Variants in SAMD4A observed in about 807,000 individuals in gnomAD.
SAMD4A encodes the protein sterile alpha motif domain containing 4A.
In SAMD4A, 33 loss-of-function variants were observed where a neutral mutation model predicts 81.3. The observed-to-expected ratio is 0.41, with a 90% CI of 0.31 to 0.54. The LOEUF is 0.54. SAMD4A is among the 20% of genes least tolerant of loss of function. The probability of loss-of-function intolerance (pLI) is 0.37; values close to 1 mark genes in which losing one functional copy is unlikely to be tolerated. For missense variants in SAMD4A, 854 were observed against 951.1 expected (o/e 0.90, Z 1.34); for synonymous variants, 389 against 382.1 (o/e 1.02, Z -0.21).
intron 2 of SAMD4A, among the ~76,000 whole-genome samples, chr14:54,653,424 C>T (rs998043150): frequency 8.6e-5 from 13 of 151,194 alleles, no homozygotes; most frequent in Non-Finnish European, 1.6e-4. Context: ...ACTGCAACCT[C>T]CATCTCCCGG....
rs1555343098 is a variant in SAMD4A, at chr14:54,685,283, C to CCG, written c.197-16778_197-16777insGC. ...ACTCCCCATTCTTCCTGCCCCCCCC[C>CCG]CCAGCTCCTGGCAGCCACCATTCTG... On this transcript the variant is annotated intron_variant, in intron 2 of 12. Transcript: ENST00000554335. Among the ~76,000 whole-genome samples, 8 of 151,142 alleles carry CCG rather than the reference C, an allele frequency of 5.3e-5. 1 individual carries two copies. In the South Asian group the frequency reaches 8.4e-4, roughly 16 times the overall value.
intron 2 of SAMD4A, among the ~76,000 whole-genome samples, chr14:54,670,390 C>T (rs763684915): frequency 2.0e-5 from 3 of 152,176 alleles, no homozygotes; most frequent in Non-Finnish European, 4.4e-5. Context: ...TGAATGGGCC[C>T]AGGTGACTTG....
chr14:54,770,595 T>C (rs1464970303), intron 9 of SAMD4A, among the ~76,000 whole-genome samples: 4 of 151,608 alleles, frequency 2.6e-5, no homozygotes, highest in African/African-American at 9.7e-5. Flanking sequence ...AATCAGCACC[T>C]TAAGTGGTAG....
Position 54,567,649 on chromosome 14 carries a change from A to T in SAMD4A, c.-268A>T, listed in dbSNP as rs1050307575. On this transcript the variant is annotated 5_prime_UTR_variant, in exon 2 of 13. Coordinates refer to ENST00000554335, the MANE Select transcript of SAMD4A (RefSeq NM_015589.6). ...GTTGTGTGCCTTGTGGGGGATTTTT[A>T]AAAAGTCGTTTTTTTTTTTAAAGAA... The T allele has an allele frequency of 6.6e-5, 31 of 469,092 alleles. No individual in the cohort carries two copies. Among genetic ancestry groups the T allele is most frequent in the African/African-American group, 9.6e-5 (4 of 41,822 alleles). The allele number at this position is 469,092 out of a possible 1,614,324, so 29.1% of individuals were successfully genotyped here. A position where few individuals can be genotyped will look rare whatever the true frequency, so the allele number is the denominator to read the frequency against.
intron 2 of SAMD4A, among the ~76,000 whole-genome samples, chr14:54,676,238 C>T (rs140090181): frequency 1.6e-3 from 244 of 152,208 alleles, no homozygotes; most frequent in African/African-American, 5.5e-3. Context: ...GTGCCTTTGG[C>T]GTATTCAGAT....
At chr14:54,569,538 C>A (rs1318964016) in intron 2 of SAMD4A, among the ~76,000 whole-genome samples, 1 of 152,186 alleles carries the variant, frequency 6.6e-6, no homozygotes, top group African/African-American at 2.4e-5. Context: ...GATGACAGGG[C>A]CCCCTTTGGT....
Position 54,790,035 on chromosome 14 carries a change from T to C in SAMD4A, c.*1091T>C, listed in dbSNP as rs1416931321. 2 of 152,138 alleles carry C rather than the reference T, an allele frequency of 1.3e-5. No individual in the cohort carries two copies. Among genetic ancestry groups the C allele is most frequent in the Admixed American group, 6.5e-5 (1 of 15,284 alleles). The allele number at this position is 152,138 out of a possible 1,614,324, so 9.4% of individuals were successfully genotyped here. A position where few individuals can be genotyped will look rare whatever the true frequency, so the allele number is the denominator to read the frequency against. On this transcript the variant is annotated 3_prime_UTR_variant, in exon 13 of 13. Coordinates refer to ENST00000554335, the MANE Select transcript of SAMD4A (RefSeq NM_015589.6). ...CAGCCTTGCTCCACACACACACAGG[T>C]GGGTACAAGTTCCACTGGAGGAGAA... is the stretch of plus-strand genomic sequence containing the variant.
At chr14:54,570,188 C>G (rs1484785397) in intron 2 of SAMD4A, among the ~76,000 whole-genome samples, 3 of 152,112 alleles carry the variant, frequency 2.0e-5, no homozygotes, top group African/African-American at 7.2e-5. Flanking sequence ...TGTTGTGTGG[C>G]CAGGACAGAA....
At chr14:54,600,669 A>G (rs1489524391) in intron 2 of SAMD4A, among the ~76,000 whole-genome samples, 1 of 152,216 alleles carries the variant, frequency 6.6e-6, no homozygotes, top group South Asian at 2.1e-4. Context: ...GAAAAATAAT[A>G]TGAGTCTTGT....
chr14:54,568,274 C>T (rs905827321), intron 2 of SAMD4A, among the ~76,000 whole-genome samples, 162 bp downstream of exon 2: 1 of 151,550 alleles, frequency 6.6e-6, no homozygotes, highest in African/African-American at 2.4e-5. Context: ...CCGGGTGTCC[C>T]CCCACTACCG....
In SAMD4A at chr14:54,776,550, G is replaced by A. The variant is rs548044528; in HGVS notation, c.2044+10G>A. ...ATGTTCCAGCAGCCAGGTAGGGCCC[G>A]GCGCTTCATGTCCCCTTGACACAGA... On this transcript the variant is annotated intron_variant, in intron 11 of 12. Transcript: ENST00000554335. 4.1e-5 allele frequency: 64 copies of A among 1,552,344 alleles called. No individual in the cohort carries two copies. The highest frequency in any genetic ancestry group is 1.8e-4 in the South Asian group (15 of 82,174).
chr14:54,648,820 CTGAA>C (rs1047299289), intron 2 of SAMD4A, among the ~76,000 whole-genome samples: 2 of 152,128 alleles, frequency 1.3e-5, no homozygotes, highest in African/African-American at 4.8e-5. Flanking sequence ...AATGACCACT[CTGAA>C]TGCGGCACAG....
chr14:54,711,104 G>A (rs943937857), intron 3 of SAMD4A, among the ~76,000 whole-genome samples: 6 of 152,104 alleles, frequency 3.9e-5, no homozygotes, highest in Admixed American at 6.5e-5. Context: ...GAACAGTAGG[G>A]ACTTAATAAA....
chr14:54,605,671 A>C (rs1054672382), intron 2 of SAMD4A, among the ~76,000 whole-genome samples: 2 of 152,182 alleles, frequency 1.3e-5, no homozygotes, highest in Non-Finnish European at 2.9e-5. Context: ...TATAATTTTA[A>C]TGGCTATAAT....
chr14:54,581,377 A>G (rs1223743705), intron 2 of SAMD4A, among the ~76,000 whole-genome samples: 2 of 152,246 alleles, frequency 1.3e-5, no homozygotes, highest in Admixed American at 1.3e-4. Context: ...AAATAAACAC[A>G]TGGTTCTCTT....
intron 12 of SAMD4A, 141 bp downstream of exon 12, chr14:54,784,761 G>A: frequency 1.3e-6 from 1 of 777,292 alleles, no homozygotes; most frequent in Non-Finnish European, 2.2e-6. Flanking sequence ...CAGGGAGAAA[G>A]AGTGGCCTTA....
At chr14:54,707,758 A>G (rs974808136) in intron 3 of SAMD4A, among the ~76,000 whole-genome samples, 1 of 152,044 alleles carries the variant, frequency 6.6e-6, no homozygotes, top group Non-Finnish European at 1.5e-5. Flanking sequence ...TCTGGAGCAA[A>G]GAGTATTCCA....
chr14:54,654,394 T>C (rs1265624727), intron 2 of SAMD4A, among the ~76,000 whole-genome samples: 1 of 152,136 alleles, frequency 6.6e-6, no homozygotes, highest in African/African-American at 2.4e-5. Context: ...TAGGATTGTC[T>C]TTTTGTTTGC....
chr14:54,695,953 GAAAAAAAAAA>G (rs35817270), intron 2 of SAMD4A, among the ~76,000 whole-genome samples: 1 of 78,280 alleles, frequency 1.3e-5, no homozygotes, highest in Non-Finnish European at 2.4e-5. Context: ...CTCCATCTCA[GAAAAAAAAAA>G]AAAAAAAAAA....
Sources: gnomAD v4.1 joint callset for allele counts (sites outside exome capture counted in the v4.1 genomes callset) on GRCh38, gnomAD v4.1.1 for gene constraint, MANE v1.5 for transcripts, NCBI Gene and HGNC (gene_info 2026-07-23, HGNC 2026-07-21) for gene names.